CLIC4: variants seen among roughly 807,000 people sequenced by gnomAD.
The protein encoded by CLIC4 is chloride intracellular channel protein 4.
In CLIC4, 13 loss-of-function variants were observed where a neutral mutation model predicts 24.6. The observed-to-expected ratio is 0.53, with a 90% confidence interval of 0.34 to 0.84. CLIC4 has a LOEUF of 0.84. Ranked by LOEUF, CLIC4 falls within the 40% of genes least tolerant of loss-of-function variation. The pLI, the probability that CLIC4 is intolerant of heterozygous loss-of-function variation, is 0.01. For synonymous variants in CLIC4, 104 were observed against 111.3 expected, an observed-to-expected ratio of 0.93 and a Z score of 0.41; for missense variants, 227 against 301.7, an observed-to-expected ratio of 0.75 and a Z score of 1.83.
intron 1 of CLIC4, among the ~76,000 whole-genome samples, chr1:24,797,505 A>G (rs1639417644): frequency 6.7e-6 from 1 of 149,794 alleles, no homozygotes; most frequent in African/African-American, 2.4e-5. Flanking sequence ...CAGTGAGCTG[A>G]GATCGCACCA....
chr1:24,805,634 C>T (rs1639542163), intron 2 of CLIC4, among the ~76,000 whole-genome samples: 1 of 152,084 alleles, frequency 6.6e-6, no homozygotes. Flanking sequence ...ATAAGGCCTA[C>T]ATACCTAGTA....
intron 4 of CLIC4, among the ~76,000 whole-genome samples, chr1:24,837,144 A>C (rs1639893783): frequency 6.6e-6 from 1 of 152,178 alleles, no homozygotes; most frequent in African/African-American, 2.4e-5. Flanking sequence ...TTCTTTGCAA[A>C]GTCTAACAAA....
chr1:24,798,370 A>T (rs988073290), intron 2 of CLIC4, among the ~76,000 whole-genome samples: 3 of 152,220 alleles, frequency 2.0e-5, no homozygotes, highest in African/African-American at 7.2e-5. Context: ...GTTTAAATGT[A>T]TTGTAAAATA....
At chr1:24,839,456 C>T (rs376099835) in intron 4 of CLIC4, among the ~76,000 whole-genome samples, 12 of 152,246 alleles carry the variant, frequency 7.9e-5, no homozygotes, top group Admixed American at 1.3e-4. Flanking sequence ...CCCGCCACCA[C>T]GCCCGGCTAA....
intron 1 of CLIC4, among the ~76,000 whole-genome samples, chr1:24,781,848 C>T (rs987702703): frequency 6.6e-6 from 1 of 151,934 alleles, no homozygotes; most frequent in East Asian, 1.9e-4. Flanking sequence ...GATGGGGTTT[C>T]ACTATGTTGA....
intron 3 of CLIC4, among the ~76,000 whole-genome samples, chr1:24,816,906 C>A (rs1639676590): frequency 6.6e-6 from 1 of 152,146 alleles, no homozygotes; most frequent in Non-Finnish European, 1.5e-5. Flanking sequence ...TTTATTGTTC[C>A]ATTTATAGAG....
At chr1:24,773,591 CTTTTTT>C (rs61367134) in intron 1 of CLIC4, among the ~76,000 whole-genome samples, 1 of 73,990 alleles carries the variant, frequency 1.4e-5, no homozygotes, top group Non-Finnish European at 2.6e-5. Flanking sequence ...TGAGATGCAC[CTTTTTT>C]TTTTTTTTTT....
intron 1 of CLIC4, among the ~76,000 whole-genome samples, chr1:24,752,830 C>T (rs1638793361): frequency 6.6e-6 from 1 of 152,168 alleles, no homozygotes; most frequent in African/African-American, 2.4e-5. Flanking sequence ...TCAAGCGATT[C>T]TTCTGCCTCA....
intron 2 of CLIC4, among the ~76,000 whole-genome samples, chr1:24,798,855 C>T (rs1028689040): frequency 2.6e-5 from 4 of 152,232 alleles, no homozygotes; most frequent in Non-Finnish European, 4.4e-5. Flanking sequence ...CTGTGTTGGC[C>T]GGGCAGGTCT....
At chr1:24,771,843 TC>T in intron 1 of CLIC4, 1 of 514,458 alleles carries the variant, frequency 1.9e-6, no homozygotes. Flanking sequence ...AAGGCCAGGT[TC>T]AAGTCCTATG....
intron 2 of CLIC4, among the ~76,000 whole-genome samples, chr1:24,807,014 G>A (rs1010155717): frequency 6.6e-6 from 1 of 151,734 alleles, no homozygotes; most frequent in African/African-American, 2.4e-5. Flanking sequence ...TTTTTATTTG[G>A]GAGCCGGGTG....
intron 1 of CLIC4, among the ~76,000 whole-genome samples, chr1:24,760,345 G>T (rs981198821): frequency 6.6e-6 from 1 of 152,070 alleles, no homozygotes; most frequent in African/African-American, 2.4e-5. Flanking sequence ...CAGTGACAGA[G>T]GGGGACTCCA....
intron 1 of CLIC4, among the ~76,000 whole-genome samples, chr1:24,781,434 G>A (rs147766058): frequency 4.5e-4 from 68 of 151,606 alleles, no homozygotes; most frequent in African/African-American, 1.5e-3. Context: ...GAGCCACCGC[G>A]TCTGGCAAGG....
chr1:24,752,732 A>T (rs976759967), intron 1 of CLIC4, among the ~76,000 whole-genome samples: 22 of 151,342 alleles, frequency 1.5e-4, no homozygotes, highest in South Asian at 2.1e-4. Flanking sequence ...TATTATTATT[A>T]TTTTTTTTTG....
chr1:24,812,533 T>C (rs1639624557), intron 2 of CLIC4, among the ~76,000 whole-genome samples: 1 of 152,072 alleles, frequency 6.6e-6, no homozygotes, highest in African/African-American at 2.4e-5. Flanking sequence ...CTCCAAAATC[T>C]TTTTTCCCTC....
intron 2 of CLIC4, among the ~76,000 whole-genome samples, chr1:24,812,836 A>G (rs547643520): frequency 2.2e-4 from 34 of 151,582 alleles, no homozygotes; most frequent in Non-Finnish European, 4.3e-4. Context: ...CTCCTTCCTC[A>G]GCCTCCCAAG....
chr1:24,771,705 G>C (rs913378209), intron 1 of CLIC4: 3 of 332,280 alleles, frequency 9.0e-6, no homozygotes, highest in African/African-American at 6.5e-5. Flanking sequence ...AAATACCAGA[G>C]TTAAAAGTAG....
chr1:24,749,866 A>G (rs534070144), intron 1 of CLIC4, among the ~76,000 whole-genome samples: 28 of 152,104 alleles, frequency 1.8e-4, no homozygotes, highest in African/African-American at 6.5e-4. Context: ...AGGCTGAGGC[A>G]GGCGGATCTC....
At chr1:24,774,411 T>C (rs1188177111) in intron 1 of CLIC4, among the ~76,000 whole-genome samples, 1 of 152,274 alleles carries the variant, frequency 6.6e-6, no homozygotes, top group Non-Finnish European at 1.5e-5. Flanking sequence ...ATGTCTTGAC[T>C]TCTCTTCCAT....
Sources: allele counts gnomAD v4.1 joint callset (sites outside exome capture counted in the v4.1 genomes callset), GRCh38; gene constraint gnomAD v4.1.1; transcripts MANE v1.5; gene names NCBI Gene and HGNC (gene_info 2026-07-23, HGNC 2026-07-21).